The following NBEAL1 variants were observed in gnomAD, a reference collection of about 807,000 sequenced individuals.
NBEAL1 encodes the protein neurobeachin like 1.
Under a neutral mutation model 351.3 loss-of-function variants are expected in NBEAL1, and 273 were observed. That is an observed-to-expected ratio of 0.78 (90% confidence interval 0.70 to 0.86). The LOEUF (loss-of-function observed/expected upper bound fraction) is 0.86. Ranked by LOEUF, NBEAL1 falls within the 40% of genes least tolerant of loss-of-function variation. The pLI, the probability that NBEAL1 is intolerant of heterozygous loss-of-function variation, is 0.00. For synonymous variants in NBEAL1, 1,050 were observed against 1,086.4 expected, an observed-to-expected ratio of 0.97 and a Z score of 0.66; for missense variants, 2,961 against 3,201.3, an observed-to-expected ratio of 0.92 and a Z score of 1.81.
chr2:203,202,750 C>T lies in NBEAL1; in HGVS notation c.7475C>T (p.Thr2492Ile). The T allele has an allele frequency of 6.3e-7, 1 of 1,598,740 alleles. No homozygotes were observed. The highest frequency in any genetic ancestry group is 8.6e-7 in the Non-Finnish European group (1 of 1,166,502). Residue 2492 changes from threonine (T) to isoleucine (I), a missense_variant, in exon 51 of 56, where the codon ACT becomes ATT. Transcript: ENST00000683969. ...CATTTGATTTCTGGTTCCAGAGATA[C>T]TACATGTATGATATGGCAAATAACA... ...GIHLISGSRDTTCMIWQITQQ... is the reference protein window; with the variant it reads ...GIHLISGSRDITCMIWQITQQ...
At chr2:203,042,642 C>T (rs2061161679) in intron 3 of NBEAL1, among the ~76,000 whole-genome samples, 1 of 150,040 alleles carries the variant, frequency 6.7e-6, no homozygotes, top group Non-Finnish European at 1.5e-5. Flanking sequence ...ACAGGCTGTG[C>T]AGTGGCACGA....
chr2:203,134,046 A>G (rs1432446340), intron 27 of NBEAL1, among the ~76,000 whole-genome samples: 1 of 152,022 alleles, frequency 6.6e-6, no homozygotes, highest in Non-Finnish European at 1.5e-5. Flanking sequence ...TACTCCATGA[A>G]ATAGAATTGC....
At chr2:203,044,590 C>G (rs2061197081) in intron 3 of NBEAL1, among the ~76,000 whole-genome samples, 1 of 152,094 alleles carries the variant, frequency 6.6e-6, no homozygotes, top group Non-Finnish European at 1.5e-5. Flanking sequence ...ACGCCAAGAG[C>G]ATTGCTGTAT....
chr2:203,173,262 G>T (rs1490715576), intron 41 of NBEAL1, among the ~76,000 whole-genome samples: 4 of 152,088 alleles, frequency 2.6e-5, no homozygotes, highest in Non-Finnish European at 5.9e-5. Flanking sequence ...GTAATAATGT[G>T]AATAAAGAAG....
intron 19 of NBEAL1, among the ~76,000 whole-genome samples, chr2:203,123,608 A>G (rs1309468168): frequency 1.4e-4 from 21 of 152,190 alleles, no homozygotes. Context: ...TGCTGGGATT[A>G]CAGGCGTGAG....
At chr2:203,154,934 C>CAAAAA (rs55890648) in intron 35 of NBEAL1, among the ~76,000 whole-genome samples, 1 of 92,710 alleles carries the variant, frequency 1.1e-5, no homozygotes, top group Non-Finnish European at 2.0e-5. Context: ...GACCTTGTCT[C>CAAAAA]AAAAAAAAAA....
intron 51 of NBEAL1, among the ~76,000 whole-genome samples, chr2:203,205,443 A>G (rs1469795205): frequency 1.3e-5 from 2 of 152,212 alleles, no homozygotes; most frequent in Non-Finnish European, 2.9e-5. Context: ...CATTTATACA[A>G]TACCATTAGC....
chr2:203,144,942 A>G (rs760084368), intron 32 of NBEAL1, 37 bp downstream of exon 32: 5 of 1,525,668 alleles, frequency 3.3e-6, no homozygotes, highest in Admixed American at 4.7e-5. Flanking sequence ...TTTTTCTGCT[A>G]ATTTACCATT....
intron 31 of NBEAL1, 137 bp downstream of exon 31, chr2:203,138,885 G>A (rs1484562565): frequency 2.4e-6 from 2 of 825,144 alleles, no homozygotes; most frequent in Middle Eastern, 3.7e-4. Context: ...TTCATTTGGA[G>A]TTTTGAGGAG....
At chr2:203,079,888 T>C (rs1372255604) in intron 8 of NBEAL1, among the ~76,000 whole-genome samples, 2 of 152,184 alleles carry the variant, frequency 1.3e-5, no homozygotes, top group Non-Finnish European at 2.9e-5. Flanking sequence ...TTTTAACTTA[T>C]AGCTCTAGGG....
intron 54 of NBEAL1, among the ~76,000 whole-genome samples, chr2:203,211,862 A>T (rs2065797195): frequency 6.6e-6 from 1 of 151,990 alleles, no homozygotes; most frequent in African/African-American, 2.4e-5. Context: ...AAGGAGAGAG[A>T]TACTGGAGTA....
intron 2 of NBEAL1, among the ~76,000 whole-genome samples, chr2:203,017,528 C>G (rs1434455136): frequency 2.6e-5 from 4 of 152,044 alleles, no homozygotes; most frequent in Non-Finnish European, 5.9e-5. Context: ...AAAATAGACG[C>G]TTCCAATAAA....
Position 203,134,450 on chromosome 2 carries a change from C to T in NBEAL1, c.3814-1227C>T, listed in dbSNP as rs558846147. ...TGTATTAATAAAGAAAGAATCTTCA[C>T]GTCATTGTGACTCCTTGCCTTCTGT... On this transcript the variant is annotated intron_variant, in intron 27 of 55. Transcript: ENST00000683969. 7.2e-5 allele frequency among the ~76,000 whole-genome samples: 11 copies of T among 152,246 alleles called. No individual in the cohort carries two copies. In the South Asian group the frequency reaches 1.0e-3, roughly 14 times the overall value.
At chr2:203,079,893 C>CT (rs143169838) in intron 8 of NBEAL1, among the ~76,000 whole-genome samples, 37 of 152,152 alleles carry the variant, frequency 2.4e-4, no homozygotes, top group African/African-American at 8.2e-4. Flanking sequence ...ACTTATAGCT[C>CT]TAGGGAACTT....
chr2:203,182,254 A>G (rs376016009), intron 43 of NBEAL1: 2 of 152,184 alleles, frequency 1.3e-5, no homozygotes, highest in Non-Finnish European at 2.9e-5. Flanking sequence ...TCACTCTGCC[A>G]TTCTGAGTAT....
intron 35 of NBEAL1, among the ~76,000 whole-genome samples, chr2:203,155,484 T>A (rs2063776113): frequency 1.3e-5 from 2 of 152,136 alleles, no homozygotes; most frequent in South Asian, 4.1e-4. Flanking sequence ...TCACCCAGGC[T>A]GGAGTGCAGT....
intron 15 of NBEAL1, among the ~76,000 whole-genome samples, chr2:203,110,533 G>T (rs891139904): frequency 2.0e-5 from 3 of 151,532 alleles, no homozygotes; most frequent in African/African-American, 7.3e-5. Context: ...AATTACCTGG[G>T]TATGGTGATT....
chr2:203,101,120 A>C (rs1337027326), intron 12 of NBEAL1, among the ~76,000 whole-genome samples: 1 of 152,044 alleles, frequency 6.6e-6, no homozygotes, highest in Non-Finnish European at 1.5e-5. Flanking sequence ...CTTCATCATG[A>C]AATCTTTGCC....
At chr2:203,058,642 A>G (rs894115318) in intron 6 of NBEAL1, among the ~76,000 whole-genome samples, 23 of 152,202 alleles carry the variant, frequency 1.5e-4, no homozygotes, top group African/African-American at 5.3e-4. Flanking sequence ...CATTACTACA[A>G]TTAAGAATTC....
Sources: allele counts gnomAD v4.1 joint callset (sites outside exome capture counted in the v4.1 genomes callset), GRCh38; gene constraint gnomAD v4.1.1; transcripts MANE v1.5; gene names NCBI Gene and HGNC (gene_info 2026-07-23, HGNC 2026-07-21).